The following NREP variants were observed in gnomAD, a reference collection of about 807,000 sequenced individuals.
NREP encodes the protein neuronal regeneration related protein.
In NREP, 5 loss-of-function variants were observed where a neutral mutation model predicts 8.6. The ratio of observed to expected loss-of-function variants is 0.58; its 90% CI spans 0.30 to 1.22. The LOEUF (loss-of-function observed/expected upper bound fraction) is 1.22. Ranked by LOEUF, NREP falls within the 50% of genes most tolerant of loss-of-function variation. The pLI, the probability that NREP is intolerant of heterozygous loss-of-function variation, is 0.07. For missense variants in NREP, 86 were observed against 82.5 expected, an observed-to-expected ratio of 1.04 and a Z score of -0.17; for synonymous variants, 27 against 28.0, an observed-to-expected ratio of 0.96 and a Z score of 0.11.
At chr5:111,758,790 A>G (rs796630140), upstream of NREP, among the ~76,000 whole-genome samples, 25 of 152,340 alleles carry the variant, frequency 1.6e-4, no homozygotes, top group African/African-American at 5.5e-4. Flanking sequence ...AAAAAGCAAT[A>G]CTTTACACTC....
intron 2 of NREP, among the ~76,000 whole-genome samples, chr5:111,831,495 C>T (rs1752766745): frequency 6.6e-6 from 1 of 152,160 alleles, no homozygotes; most frequent in South Asian, 2.1e-4. Flanking sequence ...GGGCTTTTCG[C>T]TCTTCTCATC....
chr5:111,961,300 C>T (rs1321077674), intron 2 of NREP, among the ~76,000 whole-genome samples: 1 of 152,204 alleles, frequency 6.6e-6, no homozygotes, highest in Non-Finnish European at 1.5e-5. Flanking sequence ...GCCACCAGTG[C>T]CCAGTGGATT....
Position 111,732,652 on chromosome 5 carries a change from C to T in NREP, c.82-1606G>A, listed in dbSNP as rs556597807. The T allele has an allele frequency of 2.9e-3, 325 of 113,486 alleles. 1 individual carries two copies. The highest frequency in any genetic ancestry group is 0.01 in the African/African-American group (315 of 30,890). The allele number at this position is 113,486 out of a possible 1,614,324, so 7.0% of individuals were successfully genotyped here. On this transcript the variant is annotated intron_variant, in intron 3 of 3. Transcript: ENST00000257435. ...AATCTTGGAATCTTGGTACACAGTC[C>T]CAAAATTTAAAAAAAAAAAAAAAAA...
chr5:111,762,884 T>C (rs1282270888), intron 2 of NREP, among the ~76,000 whole-genome samples: 5 of 152,202 alleles, frequency 3.3e-5, no homozygotes, highest in African/African-American at 9.7e-5. Flanking sequence ...TCGGATATTC[T>C]ACAATGCAAA....
upstream of NREP, chr5:111,758,311 CT>C: frequency 1.0e-6 from 1 of 956,654 alleles, no homozygotes; most frequent in Non-Finnish European, 1.2e-6. Context: ...CTGGTGCTTC[CT>C]TCTCCTTCCC....
chr5:111,832,043 C>T (rs754112908), intron 2 of NREP, among the ~76,000 whole-genome samples: 6 of 151,790 alleles, frequency 4.0e-5, no homozygotes, highest in Non-Finnish European at 7.4e-5. Flanking sequence ...ACCTTCTGGA[C>T]GAAAGGTCTA....
At chr5:111,865,500 C>T (rs1479372763) in intron 2 of NREP, among the ~76,000 whole-genome samples, 1 of 152,140 alleles carries the variant, frequency 6.6e-6, no homozygotes, top group South Asian at 2.1e-4. Context: ...GAGAGCTTGA[C>T]CATATTCTAC....
chr5:111,834,932 C>G (rs568221292), intron 2 of NREP, among the ~76,000 whole-genome samples: 1 of 152,262 alleles, frequency 6.6e-6, no homozygotes, highest in South Asian at 2.1e-4. Context: ...TTACAACTGT[C>G]TACTTTTCTT....
rs1756929638 is a variant in NREP at position 111,975,262 on chromosome 5, A to C, written c.135+12T>G. ...ACAAACACGAGCAAATCAGGATAGC[A>C]GTTTGTCTTACACAATTCAGAACAG... is the stretch of plus-strand genomic sequence containing the variant. On this transcript the variant is annotated intron_variant, in intron 2 of 3. Transcript: ENST00000395634. The C allele has an allele frequency of 2.0e-6, 3 of 1,531,794 alleles. No individual in the cohort carries two copies. The South Asian group carries it at 3.6e-5, about 18-fold the overall frequency. 94.9% of individuals were successfully genotyped at this position (1,531,794 alleles called of 1,614,324 possible).
chr5:111,912,807 G>A (rs1399527774), intron 2 of NREP: 1 of 152,084 alleles, frequency 6.6e-6, no homozygotes, highest in Non-Finnish European at 1.5e-5. Context: ...ACATGAATAA[G>A]TTAATCAATA....
chr5:111,961,810 G>A (rs1041815408), intron 2 of NREP, among the ~76,000 whole-genome samples: 4 of 152,162 alleles, frequency 2.6e-5, no homozygotes, highest in Non-Finnish European at 5.9e-5. Context: ...ATAAACACAT[G>A]AAGTGACCAT....
intron 2 of NREP, among the ~76,000 whole-genome samples, chr5:111,951,191 T>C (rs73225643): frequency 0.1 from 15,441 of 152,120 alleles, 1,229 homozygotes; most frequent in African/African-American, 0.22. Context: ...TTTATAGTGC[T>C]ATGGAGGGCT....
At chr5:111,884,231 G>A (rs1476078073) in intron 2 of NREP, among the ~76,000 whole-genome samples, 1 of 151,242 alleles carries the variant, frequency 6.6e-6, no homozygotes, top group Non-Finnish European at 1.5e-5. Flanking sequence ...TAGAAGAAAT[G>A]GATAAATTCC....
At chr5:111,756,319 A>T in intron 1 of NREP, 7 of 40,984 alleles carry the variant, frequency 1.7e-4, no homozygotes, top group Non-Finnish European at 3.1e-4. Context: ...AAAACCCTAC[A>T]CGGCGGGGGG....
chr5:111,881,364 C>T (rs2112514811), intron 2 of NREP, among the ~76,000 whole-genome samples: 1 of 152,328 alleles, frequency 6.6e-6, no homozygotes, highest in South Asian at 2.1e-4. Context: ...CTCAAGGAGG[C>T]CTCCCTGCCT....
chr5:111,882,881 G>T (rs1480988252), intron 2 of NREP, among the ~76,000 whole-genome samples: 1 of 152,184 alleles, frequency 6.6e-6, no homozygotes, highest in Non-Finnish European at 1.5e-5. Flanking sequence ...CATGCCAAAT[G>T]GTAAAGACCA....
chr5:111,920,809 T>C (rs1755216525), intron 2 of NREP, among the ~76,000 whole-genome samples: 1 of 152,184 alleles, frequency 6.6e-6, no homozygotes, highest in Non-Finnish European at 1.5e-5. Flanking sequence ...ACAAAGTGGA[T>C]GTGCCTGGTT....
chr5:111,918,406 C>T (rs1755126055), intron 2 of NREP, among the ~76,000 whole-genome samples: 1 of 152,128 alleles, frequency 6.6e-6, no homozygotes, highest in Non-Finnish European at 1.5e-5. Context: ...CAAGGCAATC[C>T]TAGGCAAAAA....
intron 2 of NREP, among the ~76,000 whole-genome samples, chr5:111,747,437 T>C (rs997994174): frequency 3.3e-5 from 5 of 152,182 alleles, no homozygotes; most frequent in African/African-American, 9.6e-5. Flanking sequence ...TCAAACTCAA[T>C]TCAGCAGGAA....
Sources: allele counts gnomAD v4.1 joint callset (sites outside exome capture counted in the v4.1 genomes callset), GRCh38; gene constraint gnomAD v4.1.1; transcripts MANE v1.5; gene names NCBI Gene and HGNC (gene_info 2026-07-23, HGNC 2026-07-21).